APBB2: variants seen among roughly 807,000 people sequenced by gnomAD.
APBB2 encodes amyloid beta precursor protein binding family B member 2.
Under a neutral mutation model 82.5 loss-of-function variants are expected in APBB2, and 38 were observed. The ratio of observed to expected loss-of-function variants is 0.46; its 90% confidence interval spans 0.36 to 0.60. The LOEUF (loss-of-function observed/expected upper bound fraction) is 0.60. APBB2 is among the 20% of genes least tolerant of loss of function. The pLI is 0.00. For synonymous variants in APBB2, 341 were observed against 368.2 expected, an observed-to-expected ratio of 0.93 and a Z score of 0.85; for missense variants, 772 against 972.3, an observed-to-expected ratio of 0.79 and a Z score of 2.74.
At chr4:40,982,220 AG>A (rs779989648) in intron 6 of APBB2, among the ~76,000 whole-genome samples, 2,614 of 9,174 alleles carry the variant, frequency 0.28, 339 homozygotes, top group Middle Eastern at 0.45. Context: ...AAGAAAAGAA[AG>A]GAAAGAAAGA....
At chr4:41,165,016 CAG>C (rs1462102631) in intron 1 of APBB2, among the ~76,000 whole-genome samples, 2 of 152,188 alleles carry the variant, frequency 1.3e-5, no homozygotes, top group Non-Finnish European at 2.9e-5. Flanking sequence ...GCCCCATTTG[CAG>C]AGAGATTCAC....
intron 6 of APBB2, among the ~76,000 whole-genome samples, chr4:40,979,689 G>A (rs79847514): frequency 0.028 from 4,259 of 152,244 alleles, 200 homozygotes; most frequent in African/African-American, 0.096. Flanking sequence ...CTCTGGGGAT[G>A]GAAAGTGAGC....
In APBB2 at chr4:40,815,096, G is replaced by C. The variant is rs534172779; in HGVS notation, c.*996C>G. On this transcript the variant is annotated 3_prime_UTR_variant, in exon 18 of 18. Transcript: ENST00000508593. ...ACGTTTACCTCTAGCACATGGACTAGCAAAAATCACACGGTGGTAGAAATC... is the reference window on the plus strand; with the variant it reads ...ACGTTTACCTCTAGCACATGGACTACCAAAAATCACACGGTGGTAGAAATC... 1 of 152,664 alleles carries C rather than the reference G, an allele frequency of 6.6e-6. No individual in the cohort carries two copies. Among genetic ancestry groups the C allele is most frequent in the South Asian group, 2.1e-4 (1 of 4,826 alleles). The allele number at this position is 152,664 out of a possible 1,614,324, so 9.5% of individuals were successfully genotyped here. A position where few individuals can be genotyped will look rare whatever the true frequency, so the allele number is the denominator to read the frequency against.
At chr4:41,078,124 C>T (rs1017208365) in intron 3 of APBB2, among the ~76,000 whole-genome samples, 1 of 151,900 alleles carries the variant, frequency 6.6e-6, no homozygotes, top group Non-Finnish European at 1.5e-5. Flanking sequence ...AGAGTACAAG[C>T]GCAGGTATTT....
chr4:41,068,254 TAATAA>T (rs1313388214), intron 3 of APBB2, among the ~76,000 whole-genome samples: 2 of 152,158 alleles, frequency 1.3e-5, no homozygotes, highest in Non-Finnish European at 2.9e-5. Context: ...TGATACCCAA[TAATAA>T]AATAGAGCAA....
At chr4:41,104,475 AT>A (rs961625276) in intron 2 of APBB2, among the ~76,000 whole-genome samples, 1 of 151,702 alleles carries the variant, frequency 6.6e-6, no homozygotes, top group African/African-American at 2.4e-5. Flanking sequence ...TAATCTATTC[AT>A]TTTTTTTCTT....
chr4:40,940,712 T>C (rs1786658392), intron 7 of APBB2, among the ~76,000 whole-genome samples: 1 of 152,182 alleles, frequency 6.6e-6, no homozygotes, highest in Non-Finnish European at 1.5e-5. Context: ...TGAGCAACAA[T>C]TCATTTTCTC....
intron 1 of APBB2, among the ~76,000 whole-genome samples, chr4:41,155,820 G>A (rs1267351900): frequency 1.3e-5 from 2 of 152,164 alleles, no homozygotes; most frequent in African/African-American, 4.8e-5. Flanking sequence ...CTAGTATAGG[G>A]TTTGGCAGAT....
At chr4:40,999,465 TAAG>T (rs1560491258) in intron 6 of APBB2, among the ~76,000 whole-genome samples, 2 of 151,976 alleles carry the variant, frequency 1.3e-5, no homozygotes, top group Non-Finnish European at 1.5e-5. Context: ...TCAGTAAAAA[TAAG>T]AAGAATGTCC....
At chr4:40,937,008 T>C (rs4861072) in intron 7 of APBB2, among the ~76,000 whole-genome samples, 70,152 of 151,986 alleles carry the variant, frequency 0.46, 16,556 homozygotes, top group South Asian at 0.6. Flanking sequence ...CTAATATGGA[T>C]GTGAGATGAG....
At chr4:41,043,271 TTAAA>T (rs1284534770) in intron 4 of APBB2, among the ~76,000 whole-genome samples, 4 of 152,174 alleles carry the variant, frequency 2.6e-5, no homozygotes, top group African/African-American at 7.2e-5. Flanking sequence ...AGGAAACTGA[TTAAA>T]TAAAGGATCA....
chr4:41,121,586 G>A (rs1476925288), intron 2 of APBB2, among the ~76,000 whole-genome samples: 1 of 152,204 alleles, frequency 6.6e-6, no homozygotes, highest in Non-Finnish European at 1.5e-5. Flanking sequence ...TCCTCCACCT[G>A]CCCTCTACTC....
At chr4:40,958,438 A>T (rs541302990) in intron 6 of APBB2, among the ~76,000 whole-genome samples, 8 of 152,200 alleles carry the variant, frequency 5.3e-5, no homozygotes, top group Non-Finnish European at 1.0e-4. Flanking sequence ...AAAACTAGAG[A>T]CAATTATGGT....
intron 15 of APBB2, among the ~76,000 whole-genome samples, chr4:40,825,485 C>A (rs1749589294): frequency 6.6e-6 from 1 of 152,208 alleles, no homozygotes; most frequent in Non-Finnish European, 1.5e-5. Context: ...TGTGTCACTC[C>A]TTGACAGCAT....
intron 12 of APBB2, among the ~76,000 whole-genome samples, chr4:40,884,542 C>T (rs951152711): frequency 6.6e-6 from 1 of 151,990 alleles, no homozygotes; most frequent in Admixed American, 6.6e-5. Flanking sequence ...TTTGGGAGGC[C>T]GAAGTGGGAG....
intron 3 of APBB2, among the ~76,000 whole-genome samples, chr4:41,082,664 C>G (rs1264591882): frequency 6.6e-6 from 1 of 151,318 alleles, no homozygotes; most frequent in Non-Finnish European, 1.5e-5. Context: ...CTTCAAATCC[C>G]AGGGCTAAAG....
chr4:41,097,682 AT>A (rs902548703), intron 3 of APBB2, among the ~76,000 whole-genome samples: 4 of 152,280 alleles, frequency 2.6e-5, no homozygotes, highest in South Asian at 4.1e-4. Context: ...TCCATGGCTA[AT>A]TTTTTTGAAG....
At chr4:41,078,387 A>G (rs530256851) in intron 3 of APBB2, among the ~76,000 whole-genome samples, 12 of 152,352 alleles carry the variant, frequency 7.9e-5, no homozygotes, top group African/African-American at 2.9e-4. Flanking sequence ...TAAAAAATCA[A>G]CTTTTAAAAG....
intron 6 of APBB2, among the ~76,000 whole-genome samples, chr4:40,955,361 G>A (rs1314090406): frequency 1.3e-5 from 2 of 152,244 alleles, no homozygotes; most frequent in African/African-American, 4.8e-5. Flanking sequence ...TTAGGGGTGA[G>A]AGGTCTGTGA....
Sources: allele counts gnomAD v4.1 joint callset (sites outside exome capture counted in the v4.1 genomes callset), GRCh38; gene constraint gnomAD v4.1.1; transcripts MANE v1.5; gene names NCBI Gene and HGNC (gene_info 2026-07-23, HGNC 2026-07-21).